The following CFAP61 variants were observed in gnomAD, a reference collection of about 807,000 sequenced individuals.
CFAP61 encodes cilia and flagella associated protein 61.
CFAP61 carries 107 observed loss-of-function variants against 135.6 expected under a neutral mutation model. The observed-to-expected ratio is 0.79, with a 90% CI of 0.67 to 0.93. CFAP61 has a LOEUF of 0.93. Among genes scored for constraint, CFAP61 ranks in the 40% least tolerant of loss-of-function variants. The pLI, the probability that CFAP61 is intolerant of heterozygous loss-of-function variation, is 0.00. For synonymous variants in CFAP61, 575 were observed against 578.5 expected, an observed-to-expected ratio of 0.99 and a Z score of 0.09; for missense variants, 1,507 against 1,556.2, an observed-to-expected ratio of 0.97 and a Z score of 0.53.
At chr20:20,091,476 C>CCT (rs371146134) in intron 7 of CFAP61, among the ~76,000 whole-genome samples, 1 of 143,216 alleles carries the variant, frequency 7.0e-6, no homozygotes, top group Non-Finnish European at 1.5e-5. Context: ...TTTCTAATTC[C>CCT]CTCTCTCTCT....
rs568094988 is a variant in CFAP61 at position 20,059,819 on chromosome 20, CAA to C, written c.143+3025_143+3026del. The stretch of plus-strand genomic sequence containing the variant: ...CCAGTAAATTACCCAGAGCTCAACA[CAA>C]AGAGAAAAAATATGAATGAAGCATG... On this transcript the variant is annotated intron_variant, in intron 2 of 26. Coordinates refer to ENST00000245957, the MANE Select transcript of CFAP61 (RefSeq NM_015585.4). Among the ~76,000 whole-genome samples the C allele has an allele frequency of 3.8e-3, 580 of 151,834 alleles. 5 individuals carry two copies. Among genetic ancestry groups the C allele is most frequent in the Non-Finnish European group, 6.2e-3 (422 of 67,926 alleles).
intron 18 of CFAP61, among the ~76,000 whole-genome samples, chr20:20,242,797 G>A (rs753986808): frequency 1.3e-5 from 2 of 152,194 alleles, no homozygotes; most frequent in Non-Finnish European, 2.9e-5. Context: ...ACACTTTTTG[G>A]TATCCTGATT....
At chr20:20,165,491 A>G (rs1040590569) in intron 11 of CFAP61, among the ~76,000 whole-genome samples, 1 of 151,500 alleles carries the variant, frequency 6.6e-6, no homozygotes. Flanking sequence ...CCCGGCGCCC[A>G]CCAGACCTCA....
At chr20:20,274,928 C>G (rs1265038938) in intron 21 of CFAP61, among the ~76,000 whole-genome samples, 1 of 152,082 alleles carries the variant, frequency 6.6e-6, no homozygotes, top group African/African-American at 2.4e-5. Flanking sequence ...AGGCAGTCAT[C>G]TCCCATATGA....
intron 18 of CFAP61, among the ~76,000 whole-genome samples, chr20:20,241,460 C>T (rs1462418756): frequency 6.6e-6 from 1 of 152,128 alleles, no homozygotes; most frequent in African/African-American, 2.4e-5. Flanking sequence ...TGTACTATAT[C>T]ATTATAGGTT....
intron 8 of CFAP61, 84 bp downstream of exon 8, chr20:20,098,898 G>A (rs139069953): frequency 1.6e-6 from 2 of 1,225,296 alleles, no homozygotes; most frequent in East Asian, 2.5e-5. Context: ...GATGGAACTA[G>A]ATAGGATGCT....
intron 19 of CFAP61, among the ~76,000 whole-genome samples, chr20:20,249,898 G>C (rs1209953925): frequency 2.0e-5 from 3 of 152,020 alleles, no homozygotes; most frequent in Non-Finnish European, 4.4e-5. Flanking sequence ...ATCTTTCATG[G>C]GTCTCTCACA....
At chr20:20,261,847 G>A (rs2052255430) in intron 20 of CFAP61, among the ~76,000 whole-genome samples, 1 of 151,768 alleles carries the variant, frequency 6.6e-6, no homozygotes, top group African/African-American at 2.4e-5. Context: ...TGACAAAGAA[G>A]ACGAGTATCA....
intron 17 of CFAP61, chr20:20,200,605 G>A: frequency 1.6e-6 from 1 of 630,720 alleles, no homozygotes; most frequent in Non-Finnish European, 2.0e-6. Context: ...TGGGCTTGTA[G>A]TGTTTGTATA....
At chr20:20,126,978 A>T (rs895320120) in intron 8 of CFAP61, among the ~76,000 whole-genome samples, 12 of 151,182 alleles carry the variant, frequency 7.9e-5, no homozygotes, top group African/African-American at 1.7e-4. Context: ...TTGAACTCTG[A>T]ATTTCTTTCT....
chr20:20,088,377 C>T (rs976868990), intron 6 of CFAP61, among the ~76,000 whole-genome samples: 10 of 152,088 alleles, frequency 6.6e-5, no homozygotes, highest in East Asian at 1.9e-4. Flanking sequence ...AGTTCTGCAG[C>T]GCTGGGGAGG....
chr20:20,107,052 T>A (rs192257714), intron 8 of CFAP61, among the ~76,000 whole-genome samples: 4 of 152,324 alleles, frequency 2.6e-5, no homozygotes, highest in Admixed American at 2.6e-4. Context: ...TTGCTTGCAC[T>A]GAATACTTTG....
intron 14 of CFAP61, among the ~76,000 whole-genome samples, chr20:20,189,406 G>T (rs552337332): frequency 2.0e-5 from 3 of 149,054 alleles, no homozygotes; most frequent in Non-Finnish European, 4.5e-5. Flanking sequence ...CTGGGAGTCT[G>T]CAAGGTAAAA....
intron 18 of CFAP61, among the ~76,000 whole-genome samples, chr20:20,236,703 A>G (rs2049618118): frequency 6.6e-6 from 1 of 152,242 alleles, no homozygotes; most frequent in African/African-American, 2.4e-5. Flanking sequence ...GCTAATAGCC[A>G]GCATTTGCCC....
intron 20 of CFAP61, among the ~76,000 whole-genome samples, chr20:20,260,345 A>G (rs1209991755): frequency 6.6e-6 from 1 of 152,376 alleles, no homozygotes; most frequent in Admixed American, 6.5e-5. Context: ...CTTCCATTCA[A>G]TGAAAGAACA....
rs561595309 is a variant in CFAP61 at position 20,192,275 on chromosome 20, C to G, written c.1590+856C>G. Among the ~76,000 whole-genome samples, 93 of 152,108 alleles carry G rather than the reference C, an allele frequency of 6.1e-4. 2 individuals are homozygous for G. Among genetic ancestry groups the G allele is most frequent in the African/African-American group, 2.1e-3 (87 of 41,440 alleles). The stretch of plus-strand genomic sequence containing the variant: ...CTTGTGGCTTCTTTCATGTGGTTTT[C>G]TTTGCATCGTATTTTGTGCCATATG... On this transcript the variant is annotated intron_variant, in intron 15 of 26. Transcript: ENST00000245957.
intron 6 of CFAP61, among the ~76,000 whole-genome samples, chr20:20,080,789 G>T (rs1160793771): frequency 6.6e-6 from 1 of 151,996 alleles, no homozygotes; most frequent in Non-Finnish European, 1.5e-5. Flanking sequence ...AGATCACGAG[G>T]TCAAGAGATT....
At chr20:20,253,822 C>A in intron 20 of CFAP61, 1 of 193,470 alleles carries the variant, frequency 5.2e-6, no homozygotes, top group Non-Finnish European at 1.1e-5. Context: ...GTTCACATTT[C>A]CACAGATTGT....
chr20:20,289,190 A>T (rs1051933767), intron 23 of CFAP61, among the ~76,000 whole-genome samples: 3 of 152,206 alleles, frequency 2.0e-5, no homozygotes, highest in Non-Finnish European at 2.9e-5. Flanking sequence ...CACTTTACAG[A>T]TAAGAAAACA....
Sources: allele counts gnomAD v4.1 joint callset (sites outside exome capture counted in the v4.1 genomes callset), GRCh38; gene constraint gnomAD v4.1.1; transcripts MANE v1.5; gene names NCBI Gene and HGNC (gene_info 2026-07-23, HGNC 2026-07-21).